UBASH3B: variants seen among roughly 807,000 people sequenced by gnomAD.
UBASH3B encodes the protein ubiquitin associated and SH3 domain containing B.
UBASH3B carries 37 observed loss-of-function variants against 83.4 expected under a neutral mutation model. The observed-to-expected ratio is 0.44, with a 90% CI of 0.34 to 0.58. UBASH3B has a LOEUF of 0.58. UBASH3B is among the 20% of genes least tolerant of loss of function. UBASH3B has a pLI of 0.01. For missense variants in UBASH3B, 657 were observed against 827.2 expected, an observed-to-expected ratio of 0.79 and a Z score of 2.52; for synonymous variants, 304 against 318.3, an observed-to-expected ratio of 0.96 and a Z score of 0.48.
chr11:122,783,672 G>GTGTATC (rs113674073), intron 5 of UBASH3B, among the ~76,000 whole-genome samples: 59,529 of 151,404 alleles, frequency 0.39, 13,580 homozygotes, highest in Non-Finnish European at 0.52. Context: ...GATATTTGCT[G>GTGTATC]TGTATCTGTA....
Position 122,789,326 on chromosome 11 carries a change from C to T in UBASH3B, c.980+18C>T. 1 of 1,613,206 alleles carries T rather than the reference C, an allele frequency of 6.2e-7. No individual in the cohort carries two copies. The highest frequency in any genetic ancestry group is 8.5e-7 in the Non-Finnish European group (1 of 1,179,204). On this transcript the variant is annotated intron_variant, in intron 6 of 13. Transcript: ENST00000284273. Reference sequence around the variant, plus strand: ...TTTCATGGGTAAGCAGACACAAAGACCTTTATGCCATTTGAAGAATGTTGC... The same window carrying T: ...TTTCATGGGTAAGCAGACACAAAGATCTTTATGCCATTTGAAGAATGTTGC...
intron 4 of UBASH3B, 198 bp from the exon 5 acceptor site, chr11:122,782,855 A>C: frequency 1.6e-6 from 1 of 641,228 alleles, no homozygotes; most frequent in South Asian, 2.0e-5. Flanking sequence ...TATCTCTTGA[A>C]CAGTGGCTTG....
chr11:122,799,357 C>G (rs1256020889), intron 10 of UBASH3B, among the ~76,000 whole-genome samples: 2 of 151,980 alleles, frequency 1.3e-5, no homozygotes, highest in African/African-American at 4.8e-5. Flanking sequence ...TGTAGTGCTG[C>G]ATGCCTGTAA....
intron 1 of UBASH3B, among the ~76,000 whole-genome samples, chr11:122,720,170 A>G (rs1860599105): frequency 6.6e-6 from 1 of 152,194 alleles, no homozygotes; most frequent in South Asian, 2.1e-4. Flanking sequence ...CTCCGTACTC[A>G]GCATCTCCTA....
intron 1 of UBASH3B, among the ~76,000 whole-genome samples, chr11:122,670,994 C>T (rs1478180147): frequency 6.6e-6 from 1 of 152,016 alleles, no homozygotes; most frequent in African/African-American, 2.4e-5. Context: ...AACTCCTGAC[C>T]AGAGGTGATC....
chr11:122,721,096 T>G (rs1460144689), intron 1 of UBASH3B, among the ~76,000 whole-genome samples: 1 of 150,364 alleles, frequency 6.7e-6, no homozygotes, highest in African/African-American at 2.5e-5. Flanking sequence ...ATACAAAAAA[T>G]TAGCCAGGCG....
chr11:122,733,156 G>T (rs564834041), intron 1 of UBASH3B, among the ~76,000 whole-genome samples: 1 of 152,286 alleles, frequency 6.6e-6, no homozygotes, highest in South Asian at 2.1e-4. Flanking sequence ...TGTAGAGGTG[G>T]GGTGTTGGCT....
chr11:122,753,497 CTTTT>C (rs200062623), intron 1 of UBASH3B, among the ~76,000 whole-genome samples: 15 of 115,680 alleles, frequency 1.3e-4, no homozygotes, highest in Admixed American at 3.5e-4. Context: ...TTTTTTCTTT[CTTTT>C]TTTTTTTTTT....
intron 1 of UBASH3B, among the ~76,000 whole-genome samples, chr11:122,749,124 C>T (rs2135966417): frequency 6.6e-6 from 1 of 152,338 alleles, no homozygotes; most frequent in East Asian, 1.9e-4. Context: ...TCTGCTGACA[C>T]ATCGAAAGTA....
chr11:122,762,099 G>C (rs529098692), intron 1 of UBASH3B, among the ~76,000 whole-genome samples: 1 of 151,944 alleles, frequency 6.6e-6, no homozygotes, highest in Non-Finnish European at 1.5e-5. Flanking sequence ...GCCGGTTTTC[G>C]CCATTACCGT....
At chr11:122,715,348 A>G (rs1428812676) in intron 1 of UBASH3B, among the ~76,000 whole-genome samples, 1 of 152,216 alleles carries the variant, frequency 6.6e-6, no homozygotes, top group Non-Finnish European at 1.5e-5. Flanking sequence ...CATGGTCTGG[A>G]CAGACCTTGC....
rs1028739031 is a variant in UBASH3B at position 122,813,542 on chromosome 11, A to T, written c.*3656A>T. ...CCTTCAGCACAGGCAACTGTTACTG[A>T]GTCTGCACGAACTTAGATAATGAGG... On this transcript the variant is annotated 3_prime_UTR_variant, in exon 14 of 14. Coordinates refer to ENST00000284273, the MANE Select transcript of UBASH3B (RefSeq NM_032873.5). 7.9e-5 allele frequency: 12 copies of T among 152,222 alleles called. No individual in the cohort carries two copies. The highest frequency in any genetic ancestry group is 2.9e-4 in the African/African-American group (12 of 41,452). The allele number at this position is 152,222 out of a possible 1,614,324, so 9.4% of individuals were successfully genotyped here.
chr11:122,683,733 TA>T lies in UBASH3B; in HGVS notation c.161+27532del, dbSNP rs557668918. On this transcript the variant is annotated intron_variant, in intron 1 of 13. Transcript: ENST00000284273. Reference sequence around the variant, plus strand: ...CACATATCCTCAATTGCCTTATAATTAAAAAAAAATTGTGTGTGTGTGTGTG... The same window carrying T: ...CACATATCCTCAATTGCCTTATAATTAAAAAAAATTGTGTGTGTGTGTGTG... Among the ~76,000 whole-genome samples the T allele has an allele frequency of 2.1e-3, 282 of 132,384 alleles. 1 individual carries two copies. Among genetic ancestry groups the T allele is most frequent in the African/African-American group, 7.3e-3 (264 of 36,200 alleles). 86.8% of individuals were successfully genotyped at this position (132,384 alleles called of 152,430 possible). A position where few individuals can be genotyped will look rare whatever the true frequency, so the allele number is the denominator to read the frequency against.
chr11:122,783,880 T>G (rs12797324), intron 5 of UBASH3B, among the ~76,000 whole-genome samples: 22,634 of 151,932 alleles, frequency 0.15, 1,813 homozygotes, highest in Middle Eastern at 0.23. Flanking sequence ...GCACCCTTCC[T>G]TTGAGGGAAT....
intron 1 of UBASH3B, among the ~76,000 whole-genome samples, chr11:122,737,516 G>A (rs151187292): frequency 5.3e-5 from 8 of 152,228 alleles, no homozygotes; most frequent in African/African-American, 1.9e-4. Context: ...AGGCCGTGAG[G>A]TAGATGCTCA....
chr11:122,724,109 C>T (rs1012666003), intron 1 of UBASH3B, among the ~76,000 whole-genome samples: 11 of 152,312 alleles, frequency 7.2e-5, no homozygotes, highest in Middle Eastern at 3.4e-3. Context: ...CTGGTTATTT[C>T]GTTCATTCAT....
At chr11:122,726,790 G>A (rs910540687) in intron 1 of UBASH3B, among the ~76,000 whole-genome samples, 25 of 152,222 alleles carry the variant, frequency 1.6e-4, no homozygotes, top group Non-Finnish European at 5.9e-5. Context: ...TCCTTCCAGA[G>A]TGAAATAAAG....
At chr11:122,754,839 C>A (rs1009095679) in intron 1 of UBASH3B, among the ~76,000 whole-genome samples, 22 of 152,146 alleles carry the variant, frequency 1.4e-4, no homozygotes, top group African/African-American at 5.1e-4. Flanking sequence ...TTTTTCATGA[C>A]CCCTGGAAGG....
intron 1 of UBASH3B, among the ~76,000 whole-genome samples, chr11:122,753,963 T>C (rs985072786): frequency 1.3e-5 from 2 of 152,218 alleles, no homozygotes; most frequent in African/African-American, 2.4e-5. Context: ...AGTGCAGCGA[T>C]GTCCAGCCGA....
Sources: allele counts gnomAD v4.1 joint callset (sites outside exome capture counted in the v4.1 genomes callset), GRCh38; gene constraint gnomAD v4.1.1; transcripts MANE v1.5; gene names NCBI Gene and HGNC (gene_info 2026-07-23, HGNC 2026-07-21).